NOXRED1: variants seen among roughly 807,000 people sequenced by gnomAD.
The protein encoded by NOXRED1 is NADP-dependent oxidoreductase domain-containing protein 1.
A neutral mutation model predicts 30.4 loss-of-function variants in NOXRED1; 20 were observed. That is an observed-to-expected ratio of 0.66 (90% CI 0.46 to 0.96). The LOEUF (loss-of-function observed/expected upper bound fraction) is 0.96. Among genes scored for constraint, NOXRED1 ranks in the 40% least tolerant of loss-of-function variants. The probability of loss-of-function intolerance (pLI) is 0.00; values close to 1 mark genes in which losing one functional copy is unlikely to be tolerated. For missense variants in NOXRED1, 374 were observed against 428.0 expected, an observed-to-expected ratio of 0.87 and a Z score of 1.11; for synonymous variants, 155 against 168.0, an observed-to-expected ratio of 0.92 and a Z score of 0.60.
At chr14:77,413,439 A>G (rs1464274404) in intron 2 of NOXRED1, among the ~76,000 whole-genome samples, 5 of 152,136 alleles carry the variant, frequency 3.3e-5, no homozygotes, top group Non-Finnish European at 7.4e-5. Context: ...GGGTTTCACT[A>G]TGTTGGCCAG....
intron 5 of NOXRED1, among the ~76,000 whole-genome samples, chr14:77,395,402 G>C (rs1025966416): frequency 6.6e-6 from 1 of 151,520 alleles, no homozygotes; most frequent in African/African-American, 2.4e-5. Flanking sequence ...CACTGCGCCC[G>C]GCTGCAGAAT....
intron 5 of NOXRED1, among the ~76,000 whole-genome samples, chr14:77,400,888 C>G (rs1450690128): frequency 6.6e-6 from 1 of 152,100 alleles, no homozygotes; most frequent in African/African-American, 2.4e-5. Context: ...TGTGCAAGAT[C>G]TACATAAGGA....
chr14:77,406,954 A>G (rs916523351), intron 3 of NOXRED1, 79 bp from the exon 4 acceptor site: 2 of 1,308,358 alleles, frequency 1.5e-6, no homozygotes, highest in Admixed American at 2.0e-5. Flanking sequence ...TTTACATCCA[A>G]CCCCATCAAC....
intron 5 of NOXRED1, among the ~76,000 whole-genome samples, chr14:77,403,516 C>T (rs1420480566): frequency 2.0e-5 from 3 of 151,554 alleles, no homozygotes; most frequent in Admixed American, 6.6e-5. Flanking sequence ...ATTAGCCAGG[C>T]GTGGTGGTGT....
rs1894510929 is a variant in NOXRED1 at position 77,407,643 on chromosome 14, C to T, written c.352G>A (p.Glu118Lys). 1 of 1,613,146 alleles carries T rather than the reference C, an allele frequency of 6.2e-7. No individual in the cohort carries two copies. Among genetic ancestry groups the T allele is most frequent in the Admixed American group, 1.7e-5 (1 of 59,986 alleles). ...ISTRRPETLGELQKLGIKCFY... is the reference protein window; with the variant it reads ...ISTRRPETLGKLQKLGIKCFY... ...CATTTGATTCCCAGCTTCTGGAGCT[C>T]ACCTGGGAGGGATAAAGGAAGACAG... The change falls in exon 3 of 6, where the codon GAG becomes AAG. Residue 118 changes from glutamate (E) to lysine (K), a missense_variant and splice_region_variant. Physicochemically the swap from Glu to Lys is moderately conservative, Grantham distance 56. Coordinates refer to ENST00000380835, the MANE Select transcript of NOXRED1 (RefSeq NM_001113475.3).
At chr14:77,422,621 A>T in intron 1 of NOXRED1, 114 bp downstream of exon 1, 1 of 1,002,214 alleles carries the variant, frequency 1.0e-6, no homozygotes, top group Non-Finnish European at 1.6e-6. Context: ...TGGAAAAGAT[A>T]GGATGACAAT....
chr14:77,407,497 C>A lies in NOXRED1; in HGVS notation c.498G>T (p.Val166=), dbSNP rs1413302311. Residue 166 remains valine, a synonymous_variant, in exon 3 of 6, where the codon GTG becomes GTT. Coordinates refer to ENST00000380835, the MANE Select transcript of NOXRED1 (RefSeq NM_001113475.3). ...IYTSLEKASI[V]YSFVAAIPLP... ...GTGGGATGGCAGCTACAAAGCTGTA[C>A]ACAATGCTGGCCTTCTCAAGGCTGG... 3 of 1,614,084 alleles carry A rather than the reference C, an allele frequency of 1.9e-6. No individual in the cohort carries two copies. The highest frequency in any genetic ancestry group is 1.7e-6 in the Non-Finnish European group (2 of 1,179,944).
chr14:77,407,730 T>C, intron 2 of NOXRED1, 85 bp from the exon 3 acceptor site: 1 of 918,508 alleles, frequency 1.1e-6, no homozygotes, highest in Admixed American at 2.3e-5. Flanking sequence ...GTGATCATTA[T>C]TTTAGCTCAG....
intron 5 of NOXRED1, among the ~76,000 whole-genome samples, chr14:77,400,496 A>G (rs899831810): frequency 6.6e-6 from 1 of 152,196 alleles, no homozygotes; most frequent in African/African-American, 2.4e-5. Context: ...ACATTTTAGG[A>G]ATACAGGAGA....
At chr14:77,406,517 T>A (rs1197557956) in intron 4 of NOXRED1, 5 of 644,186 alleles carry the variant, frequency 7.8e-6, no homozygotes, top group Non-Finnish European at 1.4e-5. Flanking sequence ...TGGTTTTAAT[T>A]TGTCCTTAAG....
intron 5 of NOXRED1, among the ~76,000 whole-genome samples, chr14:77,402,526 C>CG (rs1278234186): frequency 1.3e-5 from 2 of 148,382 alleles, no homozygotes; most frequent in Non-Finnish European, 3.0e-5. Context: ...CCCAGCTACT[C>CG]GGGGGGCTGA....
Position 77,394,434 on chromosome 14 carries a change from A to G in NOXRED1, c.*197T>C, listed in dbSNP as rs1894127045. 1 of 408,764 alleles carries G rather than the reference A, an allele frequency of 2.4e-6. No homozygotes were observed. Among genetic ancestry groups the G allele is most frequent in the Non-Finnish European group, 4.3e-6 (1 of 231,202 alleles). The allele number at this position is 408,764 out of a possible 1,614,324, so 25.3% of individuals were successfully genotyped here. On this transcript the variant is annotated 3_prime_UTR_variant, in exon 6 of 6. Coordinates refer to ENST00000380835, the MANE Select transcript of NOXRED1 (RefSeq NM_001113475.3). The stretch of plus-strand genomic sequence containing the variant: ...TTCACTAGTTGCTTCTGAGAGCCAG[A>G]TACATATTGATGGATAGGACCACTT...
At chr14:77,395,981 C>A (rs1894166914) in intron 5 of NOXRED1, among the ~76,000 whole-genome samples, 1 of 151,896 alleles carries the variant, frequency 6.6e-6, no homozygotes, top group Non-Finnish European at 1.5e-5. Context: ...ACTCAGGAGG[C>A]TGAGAGAAGA....
At chr14:77,418,993 T>A (rs1894909423) in intron 1 of NOXRED1, among the ~76,000 whole-genome samples, 1 of 152,204 alleles carries the variant, frequency 6.6e-6, no homozygotes, top group Non-Finnish European at 1.5e-5. Context: ...AAGGATTCCC[T>A]TCAGCATTAG....
intron 1 of NOXRED1, among the ~76,000 whole-genome samples, chr14:77,415,191 CACACACACACA>C (rs1894778476): frequency 2.6e-5 from 1 of 39,120 alleles, no homozygotes; most frequent in Non-Finnish European, 1.0e-4. Flanking sequence ...AACACACACA[CACACACACACA>C]CACACACACA....
intron 1 of NOXRED1, among the ~76,000 whole-genome samples, chr14:77,421,234 T>C (rs1894985058): frequency 6.6e-6 from 1 of 152,244 alleles, no homozygotes; most frequent in South Asian, 2.1e-4. Context: ...TAAATGCAGC[T>C]GTTCTTGGAT....
At chr14:77,420,968 G>T (rs892084976) in intron 1 of NOXRED1, among the ~76,000 whole-genome samples, 2 of 152,144 alleles carry the variant, frequency 1.3e-5, no homozygotes, top group African/African-American at 4.8e-5. Context: ...CAGGTTCTCT[G>T]TACTGCAACA....
Position 77,414,007 on chromosome 14 carries a change from A to G in NOXRED1, c.276T>C (p.Ala92=). ...TGGGGCCAAGCTGCAGCAGTGTGCC[A>G]GCCAGCTGCTTCCCAAGGTGGCCAC... The part of the protein sequence containing the change: ...IGGGHLGKQL[A]GTLLQLGPIP... Residue 92 remains alanine, a synonymous_variant, in exon 2 of 6, where the codon GCT becomes GCC. Coordinates refer to ENST00000380835, the MANE Select transcript of NOXRED1 (RefSeq NM_001113475.3). 1 of 1,612,494 alleles carries G rather than the reference A, an allele frequency of 6.2e-7. No homozygotes were observed. Among genetic ancestry groups the G allele is most frequent in the Non-Finnish European group, 8.5e-7 (1 of 1,178,834 alleles).
intron 1 of NOXRED1, among the ~76,000 whole-genome samples, chr14:77,421,610 A>C (rs1404573164): frequency 6.6e-6 from 1 of 152,222 alleles, no homozygotes; most frequent in Non-Finnish European, 1.5e-5. Context: ...ACAAAAAAGA[A>C]CAGAACTGAG....
Sources: allele counts gnomAD v4.1 joint callset (sites outside exome capture counted in the v4.1 genomes callset), GRCh38; gene constraint gnomAD v4.1.1; transcripts MANE v1.5; gene names NCBI Gene and HGNC (gene_info 2026-07-23, HGNC 2026-07-21).